ZSCAN25: variants seen among roughly 807,000 people sequenced by gnomAD.
The protein encoded by ZSCAN25 is zinc finger and SCAN domain-containing protein 25.
Under a neutral mutation model 38.7 loss-of-function variants are expected in ZSCAN25, and 27 were observed. That is an observed-to-expected ratio of 0.70 (90% CI 0.51 to 0.96). ZSCAN25 has a LOEUF of 0.96. Ranked by LOEUF, ZSCAN25 falls within the 40% of genes least tolerant of loss-of-function variation. The pLI, the probability that ZSCAN25 is intolerant of heterozygous loss-of-function variation, is 0.00. For synonymous variants in ZSCAN25, 273 were observed against 277.7 expected, an observed-to-expected ratio of 0.98 and a Z score of 0.17; for missense variants, 637 against 705.9, an observed-to-expected ratio of 0.90 and a Z score of 1.11.
chr7:99,676,603 TG>T, the ZSCAN25 span: 1 of 1,318,240 alleles, frequency 7.6e-7, no homozygotes, highest in Non-Finnish European at 1.0e-6. Flanking sequence ...AGATTTTTTT[TG>T]TCTTTTGCAC....
chr7:99,682,217 G>A, the ZSCAN25 span, among the ~76,000 whole-genome samples: 12 of 152,144 alleles, frequency 7.9e-5, no homozygotes, highest in South Asian at 4.1e-4. Context: ...TGATACACCC[G>A]CCTCGGCCTC....
At chr7:99,674,474 A>T in the ZSCAN25 span, 1 of 1,369,658 alleles carries the variant, frequency 7.3e-7, no homozygotes, top group Non-Finnish European at 1.0e-6. Flanking sequence ...ACTATCCTGC[A>T]GTGGGGTAAC....
chr7:99,736,675 T>C, the ZSCAN25 span, among the ~76,000 whole-genome samples: 1 of 152,200 alleles, frequency 6.6e-6, no homozygotes, highest in Non-Finnish European at 1.5e-5. Flanking sequence ...CTTCCTTCTC[T>C]CTTTATTCTT....
the ZSCAN25 span, chr7:99,638,100 T>C: frequency 1.2e-6 from 1 of 807,464 alleles, no homozygotes; most frequent in Admixed American, 3.1e-5. Context: ...CCCCAAGCCC[T>C]CTCCCCCCAA....
chr7:99,671,721 T>C, the ZSCAN25 span: 1 of 668,490 alleles, frequency 1.5e-6, no homozygotes, highest in Non-Finnish European at 2.7e-6. Flanking sequence ...AAAGGAAATA[T>C]TAATACATTG....
At chr7:99,685,647 A>T in the ZSCAN25 span, among the ~76,000 whole-genome samples, 1 of 152,214 alleles carries the variant, frequency 6.6e-6, no homozygotes, top group African/African-American at 2.4e-5. Flanking sequence ...TTTATTTGTC[A>T]TGATTTTTAA....
At position 99,619,944 on chromosome 7, in the gene ZSCAN25, T is replaced by C. The variant is rs1172267558; in HGVS notation, c.338T>C (p.Leu113Pro). 6.2e-7 allele frequency: 1 copy of C among 1,614,134 alleles called. No individual in the cohort carries two copies. The highest frequency in any genetic ancestry group is 8.5e-7 in the Non-Finnish European group (1 of 1,180,026). Residue 113 changes from leucine to proline, a missense_variant, in exon 4 of 8, where the codon CTG becomes CCG. Coordinates refer to ENST00000394152, the MANE Select transcript of ZSCAN25 (RefSeq NM_145115.3). ...REHGPESGKA[L>P]AAMVEDLTER... ...CATGGCCCAGAGAGTGGCAAGGCCC[T>C]GGCCGCCATGGTGGAGGACCTGACA... is the stretch of plus-strand genomic sequence containing the variant.
At chr7:99,665,181 A>G in the ZSCAN25 span, 2 of 1,612,132 alleles carry the variant, frequency 1.2e-6, no homozygotes, top group South Asian at 1.1e-5. Context: ...GAGAGAAATA[A>G]TGGATCTAAG....
the ZSCAN25 span, among the ~76,000 whole-genome samples, chr7:99,643,963 G>A: frequency 5.3e-5 from 8 of 151,938 alleles, no homozygotes; most frequent in African/African-American, 7.3e-5. Flanking sequence ...TAAAATAGGG[G>A]CCAGTGAGAT....
chr7:99,720,347 A>G, the ZSCAN25 span: 1 of 1,613,666 alleles, frequency 6.2e-7, no homozygotes, highest in Non-Finnish European at 8.5e-7. Context: ...ACATTCTTTC[A>G]CTAGCACTGT....
chr7:99,717,065 C>T, the ZSCAN25 span: 3 of 1,336,306 alleles, frequency 2.2e-6, no homozygotes, highest in South Asian at 3.6e-5. Context: ...TTACCACAGC[C>T]CTCCTTTTGT....
chr7:99,726,424 A>T, the ZSCAN25 span, among the ~76,000 whole-genome samples: 1 of 152,224 alleles, frequency 6.6e-6, no homozygotes, highest in Non-Finnish European at 1.5e-5. Context: ...TATCAACAAA[A>T]TTGTTTTCCT....
chr7:99,717,359 T>C, the ZSCAN25 span: 3 of 1,606,122 alleles, frequency 1.9e-6, no homozygotes, highest in Middle Eastern at 5.0e-4. Flanking sequence ...ATAAGTGACA[T>C]TGTATAATGA....
At chr7:99,687,153 A>G in the ZSCAN25 span, among the ~76,000 whole-genome samples, 2 of 152,246 alleles carry the variant, frequency 1.3e-5, no homozygotes, top group East Asian at 1.9e-4. Flanking sequence ...CTCACCAGCA[A>G]TGGAACAAAG....
Position 99,629,637 on chromosome 7 carries a change from C to T in ZSCAN25, c.1252C>T (p.Leu418=), listed in dbSNP as rs555602793. ...CWKTFSQRHH[L]EVHQRSHTGE... ...GAAAACCTTCAGCCAGAGACACCAC[C>T]TGGAGGTGCACCAGCGCAGCCACAC... Residue 418 remains leucine (L), a synonymous_variant, in exon 8 of 8, where the codon CTG becomes TTG. Coordinates refer to ENST00000394152, the MANE Select transcript of ZSCAN25 (RefSeq NM_145115.3). This position sits in a 1 kb window ranked among gnomAD's most constrained non-coding sequence, Gnocchi z 5.6. 1.6e-5 allele frequency: 26 copies of T among 1,613,998 alleles called. No homozygotes were observed. Among genetic ancestry groups the T allele is most frequent in the South Asian group, 3.3e-5 (3 of 91,092 alleles).
the ZSCAN25 span, among the ~76,000 whole-genome samples, chr7:99,639,178 G>A: frequency 1.3e-5 from 2 of 152,192 alleles, no homozygotes; most frequent in Non-Finnish European, 2.9e-5. Context: ...CGTCCCCTGG[G>A]GGAGGCAGAA....
At chr7:99,635,538 G>T (rs1477307301), downstream of ZSCAN25, among the ~76,000 whole-genome samples, 1 of 151,984 alleles carries the variant, frequency 6.6e-6, no homozygotes, top group Non-Finnish European at 1.5e-5. Context: ...CTTACCAAAA[G>T]GTTTAGAGTT....
At chr7:99,705,608 A>G in the ZSCAN25 span, 1 of 1,612,630 alleles carries the variant, frequency 6.2e-7, no homozygotes, top group Non-Finnish European at 8.5e-7. Context: ...GCAACAGTTA[A>G]ACGAGCATAT....
the ZSCAN25 span, among the ~76,000 whole-genome samples, chr7:99,714,306 A>C: frequency 6.6e-6 from 1 of 152,196 alleles, no homozygotes; most frequent in East Asian, 1.9e-4. Context: ...AATAATATTT[A>C]TGTCATGGCA....
Sources: allele counts gnomAD v4.1 joint callset (sites outside exome capture counted in the v4.1 genomes callset), GRCh38; gene constraint gnomAD v4.1.1; non-coding constraint Gnocchi (gnomAD v3.1); transcripts MANE v1.5; gene names NCBI Gene and HGNC (gene_info 2026-07-23, HGNC 2026-07-21).